GADL1: variants seen among roughly 807,000 people sequenced by gnomAD.
GADL1 encodes the protein acidic amino acid decarboxylase GADL1.
Under a neutral mutation model 69.5 loss-of-function variants are expected in GADL1, and 71 were observed. The observed-to-expected ratio is 1.02, with a 90% CI of 0.84 to 1.25. The LOEUF is 1.25. Among genes scored for constraint, GADL1 ranks in the 50% most tolerant of loss-of-function variants. The pLI, the probability that GADL1 is intolerant of heterozygous loss-of-function variation, is 0.00. For missense variants in GADL1, 737 were observed against 631.8 expected (o/e 1.17, Z -1.79); for synonymous variants, 254 against 214.4 (o/e 1.18, Z -1.62).
intron 11 of GADL1, among the ~76,000 whole-genome samples, chr3:30,819,367 C>T (rs908521094): frequency 1.3e-5 from 2 of 152,072 alleles, no homozygotes; most frequent in African/African-American, 4.8e-5. Context: ...AAAAATTTGT[C>T]ACTCTTTATC....
intron 13 of GADL1, among the ~76,000 whole-genome samples, chr3:30,783,877 G>A (rs1029878644): frequency 6.6e-6 from 1 of 152,070 alleles, no homozygotes; most frequent in Non-Finnish European, 1.5e-5. Flanking sequence ...TAAGACTTTA[G>A]GAAGAATATA....
At chr3:30,781,905 G>GGT (rs2125497695) in intron 13 of GADL1, among the ~76,000 whole-genome samples, 1 of 152,322 alleles carries the variant, frequency 6.6e-6, no homozygotes, top group African/African-American at 2.4e-5. Context: ...GCACTAGTGA[G>GGT]GTACATCACT....
At chr3:30,768,446 G>A (rs1696336754) in intron 14 of GADL1, among the ~76,000 whole-genome samples, 1 of 151,768 alleles carries the variant, frequency 6.6e-6, no homozygotes, top group African/African-American at 2.4e-5. Context: ...AAAACATTAA[G>A]GAAAAATTGT....
intron 14 of GADL1, among the ~76,000 whole-genome samples, chr3:30,757,688 T>TG (rs1014523401): frequency 1.3e-5 from 2 of 152,136 alleles, no homozygotes; most frequent in African/African-American, 4.8e-5. Flanking sequence ...AAATAGTTCT[T>TG]GGGATTAGTA....
intron 1 of GADL1, among the ~76,000 whole-genome samples, chr3:30,876,344 A>C: frequency 6.6e-6 from 1 of 152,034 alleles, no homozygotes; most frequent in East Asian, 1.9e-4. Flanking sequence ...TGGGATAGGG[A>C]CAGTAATGTG....
intron 2 of GADL1, among the ~76,000 whole-genome samples, chr3:30,858,876 G>GA (rs1372208887): frequency 6.6e-6 from 1 of 151,960 alleles, no homozygotes; most frequent in Non-Finnish European, 1.5e-5. Flanking sequence ...ATAGGAAGAG[G>GA]AGCCTGACTG....
chr3:30,731,866 A>G (rs556979891), intron 14 of GADL1, among the ~76,000 whole-genome samples: 2 of 152,342 alleles, frequency 1.3e-5, no homozygotes, highest in Non-Finnish European at 2.9e-5. Flanking sequence ...TAATAACATC[A>G]AAGCTGATAT....
intron 14 of GADL1, among the ~76,000 whole-genome samples, chr3:30,758,946 G>C (rs1696050292): frequency 6.6e-6 from 1 of 152,134 alleles, no homozygotes; most frequent in African/African-American, 2.4e-5. Flanking sequence ...TATTGCAGAG[G>C]CTTACACATT....
intron 8 of GADL1, among the ~76,000 whole-genome samples, chr3:30,839,801 G>A (rs1047481066): frequency 6.6e-6 from 1 of 152,064 alleles, no homozygotes; most frequent in Non-Finnish European, 1.5e-5. Context: ...GGCATGAACG[G>A]GTACTGGTGG....
intron 14 of GADL1, among the ~76,000 whole-genome samples, chr3:30,731,042 C>T (rs765313773): frequency 2.0e-5 from 3 of 152,154 alleles, no homozygotes; most frequent in Non-Finnish European, 4.4e-5. Context: ...GAACAAGTGG[C>T]TTTCTGAATG....
At position 30,834,244 on chromosome 3, in the gene GADL1, T is replaced by C. The variant is rs776965111; in HGVS notation, c.941A>G (p.His314Arg). 1 of 1,612,920 alleles carries C rather than the reference T, an allele frequency of 6.2e-7. No homozygotes were observed. The highest frequency in any genetic ancestry group is 8.5e-7 in the Non-Finnish European group (1 of 1,179,220). The part of the protein sequence containing the change: ...WGGSALMSRK[H>R]RKLLHGIHRA... ...GTGGATGCCATGCAGAAGCTTGCGGTGCTTCCTCGACATCAAAGCTGAGCC... is the reference window on the plus strand; with the variant it reads ...GTGGATGCCATGCAGAAGCTTGCGGCGCTTCCTCGACATCAAAGCTGAGCC... The change falls in exon 10 of 15, where the codon CAC becomes CGC. Residue 314 changes from histidine (H) to arginine (R), a missense_variant. Coordinates refer to ENST00000282538, the MANE Select transcript of GADL1 (RefSeq NM_207359.3).
At chr3:30,893,016 G>A (rs995748430) in intron 1 of GADL1, among the ~76,000 whole-genome samples, 2 of 152,070 alleles carry the variant, frequency 1.3e-5, no homozygotes, top group East Asian at 1.9e-4. Context: ...CAGCACGCCC[G>A]GCTAATTTTT....
intron 5 of GADL1, 116 bp from the exon 6 acceptor site, chr3:30,850,227 C>T (rs919789335): frequency 2.4e-5 from 16 of 668,524 alleles, no homozygotes; most frequent in African/African-American, 1.3e-4. Flanking sequence ...GAAAAATCAC[C>T]GTGAAAAGCA....
At chr3:30,874,229 A>T (rs1326540921) in intron 1 of GADL1, among the ~76,000 whole-genome samples, 1 of 151,966 alleles carries the variant, frequency 6.6e-6, no homozygotes, top group Non-Finnish European at 1.5e-5. Context: ...ATGTCCTAAA[A>T]ATTGTAGCTT....
intron 11 of GADL1, among the ~76,000 whole-genome samples, chr3:30,814,712 G>C (rs1697428114): frequency 6.6e-6 from 1 of 151,964 alleles, no homozygotes; most frequent in Non-Finnish European, 1.5e-5. Flanking sequence ...TTATATGAAG[G>C]CTGCAAAACC....
intron 1 of GADL1, among the ~76,000 whole-genome samples, chr3:30,862,178 CT>C (rs1217122770): frequency 6.6e-6 from 1 of 151,870 alleles, no homozygotes; most frequent in African/African-American, 2.4e-5. Flanking sequence ...GCAACTGCCC[CT>C]AGGAGAGAGT....
rs970312681 is a variant in GADL1 at position 30,869,560 on chromosome 3, T to C, written c.38-7795A>G. 2.4e-4 allele frequency among the ~76,000 whole-genome samples: 36 copies of C among 151,744 alleles called. 1 individual carries two copies. The highest frequency in any genetic ancestry group is 2.0e-3 in the Admixed American group (30 of 15,220). ...CATTTCCACATCCAATCCACAAACA[T>C]GAATTCAAAGGAGTAAACAGAAAAC... On this transcript the variant is annotated intron_variant, in intron 1 of 14. Coordinates refer to ENST00000282538, the MANE Select transcript of GADL1 (RefSeq NM_207359.3).
At chr3:30,838,241 C>CA (rs939071291) in intron 9 of GADL1, among the ~76,000 whole-genome samples, 11 of 151,548 alleles carry the variant, frequency 7.3e-5, no homozygotes, top group Admixed American at 1.3e-4. Flanking sequence ...TGGTTTCACA[C>CA]AAAAAAAATT....
At chr3:30,857,979 A>G (rs1698255746) in intron 2 of GADL1, among the ~76,000 whole-genome samples, 1 of 152,016 alleles carries the variant, frequency 6.6e-6, no homozygotes, top group Non-Finnish European at 1.5e-5. Flanking sequence ...CTCAGAAGTC[A>G]CTTTCTCAAC....
Sources: gnomAD v4.1 joint callset for allele counts (sites outside exome capture counted in the v4.1 genomes callset) on GRCh38, gnomAD v4.1.1 for gene constraint, MANE v1.5 for transcripts, NCBI Gene and HGNC (gene_info 2026-07-23, HGNC 2026-07-21) for gene names.